The following DNAJA3 variants were observed in gnomAD, a reference collection of about 807,000 sequenced individuals.
DNAJA3 encodes DnaJ heat shock protein family (Hsp40) member A3.
A neutral mutation model predicts 54.9 loss-of-function variants in DNAJA3; 29 were observed. That is an observed-to-expected ratio of 0.53 (90% CI 0.39 to 0.72). The LOEUF is 0.72. Among genes scored for constraint, DNAJA3 ranks in the 30% least tolerant of loss-of-function variants. The pLI is 0.00. For synonymous variants in DNAJA3, 302 were observed against 251.4 expected (o/e 1.20, Z -1.90); for missense variants, 708 against 639.4 (o/e 1.11, Z -1.16).
intron 9 of DNAJA3, 118 bp from the exon 10 acceptor site, chr16:4,450,282 G>A (rs1366612468): frequency 2.6e-5 from 19 of 730,200 alleles, no homozygotes; most frequent in Non-Finnish European, 3.8e-5. Context: ...CAGGGTGTCC[G>A]CCCCTGCCAA....
rs2056657216 is a variant in DNAJA3, at chr16:4,428,906, T to TG, written c.211+2815dup. Among the ~76,000 whole-genome samples, 4 of 146,078 alleles carry TG rather than the reference T, an allele frequency of 2.7e-5. No individual in the cohort carries two copies. The South Asian group carries it at 8.6e-4, about 31-fold the overall frequency. On this transcript the variant is annotated intron_variant, in intron 1 of 11. Transcript: ENST00000262375. ...GATTTTTTTTTTTTTTTTTTTTTTT[T>TG]GAGACGGAGTCTCACTCTGTCGCCC...
chr16:4,438,635 C>CTTTTTT (rs56211652), intron 3 of DNAJA3, among the ~76,000 whole-genome samples: 3,832 of 109,176 alleles, frequency 0.035, 3 homozygotes, highest in Non-Finnish European at 0.046. Context: ...ACAATCTTTT[C>CTTTTTT]TTTTTTTTTT....
chr16:4,434,458 C>A lies in DNAJA3; in HGVS notation c.286C>A (p.Gln96Lys). 1.9e-6 allele frequency: 3 copies of A among 1,614,062 alleles called. No homozygotes were observed. In the South Asian group the frequency reaches 3.3e-5, roughly 18 times the overall value. The part of the protein sequence containing the change: ...SAPLAKEDYY[Q>K]ILGVPRNASQ... The stretch of plus-strand genomic sequence containing the variant: ...CCCTTTGGCCAAAGAAGATTATTAT[C>A]AGATATTAGGAGTGCCTCGAAATGC... The change falls in exon 2 of 12, where the codon CAG becomes AAG. Residue 96 changes from glutamine to lysine, a missense_variant. Gln to Lys is a moderately conservative substitution (Grantham distance 53). Transcript: ENST00000262375.
At chr16:4,431,855 A>G (rs1319385278) in intron 1 of DNAJA3, 2 of 151,504 alleles carry the variant, frequency 1.3e-5, no homozygotes, top group Non-Finnish European at 2.9e-5. Flanking sequence ...TGGGATTACA[A>G]TAGGCGTGAG....
At chr16:4,427,568 G>C (rs1053501799) in intron 1 of DNAJA3, among the ~76,000 whole-genome samples, 2 of 152,190 alleles carry the variant, frequency 1.3e-5, no homozygotes, top group African/African-American at 4.8e-5. Context: ...TTCATTCACA[G>C]GTGTTAATTG....
At chr16:4,427,327 TA>T (rs769546455) in intron 1 of DNAJA3, 3 of 152,232 alleles carry the variant, frequency 2.0e-5, no homozygotes, top group Non-Finnish European at 4.4e-5. Context: ...AAGCTATCTA[TA>T]AATTTATAAA....
At chr16:4,436,349 T>G (rs1839597209) in intron 2 of DNAJA3, among the ~76,000 whole-genome samples, 1 of 152,182 alleles carries the variant, frequency 6.6e-6, no homozygotes, top group Admixed American at 6.5e-5. Flanking sequence ...ACAGTTGATT[T>G]GAGGCCCTTA....
At chr16:4,441,340 C>G in intron 3 of DNAJA3, 35 bp from the exon 4 acceptor site, 1 of 1,586,048 alleles carries the variant, frequency 6.3e-7, no homozygotes, top group Non-Finnish European at 8.6e-7. Context: ...CCTTGGTAGA[C>G]CTGGGATGCC....
Position 4,450,440 on chromosome 16 carries a change from G to T in DNAJA3, c.1282G>T (p.Ala428Ser), listed in dbSNP as rs1465356499. The change falls in exon 10 of 12, where the codon GCC (alanine) becomes TCC (serine). Residue 428 changes from alanine (A) to serine (S), a missense_variant. Ala to Ser is a moderately conservative substitution (Grantham distance 99, BLOSUM62 1). Transcript: ENST00000262375. ...SRQQSLILSY[A>S]EDETDVEGTV... is the part of the protein sequence containing the mutation. The stretch of plus-strand genomic sequence containing the variant: ...GCAGCAGAGCCTGATCCTGAGCTAC[G>T]CCGAGGACGAGACAGATGTGGAGGG... 1.2e-6 allele frequency: 2 copies of T among 1,612,158 alleles called. 1 individual carries two copies. The highest frequency in any genetic ancestry group is 2.2e-5 in the South Asian group (2 of 90,598).
At chr16:4,444,823 A>T (rs2056883722) in intron 7 of DNAJA3, 95 bp downstream of exon 7, 1 of 1,152,682 alleles carries the variant, frequency 8.7e-7, no homozygotes, top group South Asian at 1.4e-5. Context: ...GCTTCACAGG[A>T]ACATGTCTCG....
intron 9 of DNAJA3, chr16:4,450,082 C>G (rs1265571611): frequency 4.1e-6 from 1 of 242,848 alleles, no homozygotes; most frequent in Non-Finnish European, 7.9e-6. Context: ...GCCACTGCGC[C>G]TGGCCTAATT....
At chr16:4,445,115 C>G (rs1227156534) in intron 7 of DNAJA3, among the ~76,000 whole-genome samples, 1 of 152,212 alleles carries the variant, frequency 6.6e-6, no homozygotes, top group Admixed American at 6.5e-5. Context: ...ATGCCTTCTA[C>G]TGGCAATTGC....
chr16:4,453,255 G>A (rs1457464210), intron 10 of DNAJA3, among the ~76,000 whole-genome samples: 2 of 151,924 alleles, frequency 1.3e-5, no homozygotes, highest in Non-Finnish European at 2.9e-5. Flanking sequence ...TCTTAATGTA[G>A]CTGCTGAAAA....
intron 1 of DNAJA3, among the ~76,000 whole-genome samples, chr16:4,429,269 A>G (rs1340904427): frequency 2.0e-5 from 3 of 150,938 alleles, no homozygotes; most frequent in Non-Finnish European, 2.9e-5. Context: ...TCGGCTCACC[A>G]TGATCTTGAC....
chr16:4,446,780 G>C, intron 7 of DNAJA3, 106 bp from the exon 8 acceptor site: 2 of 1,360,888 alleles, frequency 1.5e-6, no homozygotes, highest in Admixed American at 3.9e-5. Flanking sequence ...TGTATGGAAG[G>C]GGTGTGTAGT....
At chr16:4,445,279 G>T (rs567565920) in intron 7 of DNAJA3, among the ~76,000 whole-genome samples, 1 of 152,338 alleles carries the variant, frequency 6.6e-6, no homozygotes, top group South Asian at 2.1e-4. Context: ...GCTGCTGCAG[G>T]GCAGTCGGAA....
At chr16:4,439,123 A>T (rs2056809106) in intron 3 of DNAJA3, among the ~76,000 whole-genome samples, 1 of 151,776 alleles carries the variant, frequency 6.6e-6, no homozygotes, top group South Asian at 2.1e-4. Context: ...AGACAGGCAG[A>T]TCAGGAGGTC....
rs186590258 is a variant in DNAJA3, at chr16:4,450,907, G to A, written c.1339+410G>A. Among the ~76,000 whole-genome samples, 44 of 152,308 alleles carry A rather than the reference G, an allele frequency of 2.9e-4. No individual in the cohort carries two copies. The East Asian group carries it at 7.7e-3, about 27-fold the overall frequency. ...GTGCACTTCCCACCTGGGACACTCCGCCAGGATTTCAGAGTGTCTTAAAAC... is the reference window on the plus strand; with the variant it reads ...GTGCACTTCCCACCTGGGACACTCCACCAGGATTTCAGAGTGTCTTAAAAC... On this transcript the variant is annotated intron_variant, in intron 10 of 11. Coordinates refer to ENST00000262375, the MANE Select transcript of DNAJA3 (RefSeq NM_005147.6).
rs545631544 is a variant in DNAJA3, at chr16:4,449,995, G to A, written c.1242-405G>A. ...AGTAGAGACGGGGTTTCACCTTGTT[G>A]GCCAGGATGGTCTCTATCTCCTGAC... On this transcript the variant is annotated intron_variant, in intron 9 of 11. Transcript: ENST00000262375. The A allele has an allele frequency of 1.1e-3, 172 of 157,190 alleles. 1 individual carries two copies. In the Middle Eastern group the frequency reaches 0.019, roughly 18 times the overall value. 9.7% of individuals were successfully genotyped at this position (157,190 alleles called of 1,614,324 possible). A position where few individuals can be genotyped will look rare whatever the true frequency, so the allele number is the denominator to read the frequency against.
Sources: gnomAD v4.1 joint callset for allele counts (sites outside exome capture counted in the v4.1 genomes callset) on GRCh38, gnomAD v4.1.1 for gene constraint, MANE v1.5 for transcripts, NCBI Gene and HGNC (gene_info 2026-07-23, HGNC 2026-07-21) for gene names.